Variants in SMYD3 observed in about 807,000 individuals in gnomAD.
The protein encoded by SMYD3 is histone-lysine N-methyltransferase SMYD3.
A neutral mutation model predicts 57.7 loss-of-function variants in SMYD3; 36 were observed. The ratio of observed to expected loss-of-function variants is 0.62; its 90% CI spans 0.48 to 0.82. The LOEUF (loss-of-function observed/expected upper bound fraction) is 0.82. Among genes scored for constraint, SMYD3 ranks in the 40% least tolerant of loss-of-function variants. SMYD3 has a pLI of 0.00. For synonymous variants in SMYD3, 211 were observed against 195.0 expected, an observed-to-expected ratio of 1.08 and a Z score of -0.68; for missense variants, 515 against 538.8, an observed-to-expected ratio of 0.96 and a Z score of 0.44.
At chr1:246,455,545 T>C (rs972612440) in intron 1 of SMYD3, among the ~76,000 whole-genome samples, 1 of 152,212 alleles carries the variant, frequency 6.6e-6, no homozygotes, top group South Asian at 2.1e-4. Context: ...TTAGGGACAC[T>C]GAGCCTCCAA....
intron 5 of SMYD3, among the ~76,000 whole-genome samples, chr1:246,082,617 T>A (rs557341592): frequency 6.6e-6 from 1 of 152,344 alleles, no homozygotes; most frequent in African/African-American, 2.4e-5. Context: ...GTCTTTCCAC[T>A]TGGCTAGCTC....
intron 5 of SMYD3, among the ~76,000 whole-genome samples, chr1:246,143,166 A>ACAC (rs1558264836): frequency 6.6e-5 from 7 of 106,072 alleles, no homozygotes; most frequent in African/African-American, 1.2e-4. Context: ...CACACACACA[A>ACAC]ACATGCATCC....
Position 245,791,790 on chromosome 1 carries a change from G to T in SMYD3, c.1077-27641C>A, listed in dbSNP as rs184547997. On this transcript the variant is annotated intron_variant, in intron 10 of 11. Coordinates refer to ENST00000490107, the MANE Select transcript of SMYD3 (RefSeq NM_001167740.2). ...AAGCCACTGAAAACCTCCTCCTCTTGCCTTCTCTGATTTCTGTCTCTAGAA... is the reference window on the plus strand; with the variant it reads ...AAGCCACTGAAAACCTCCTCCTCTTTCCTTCTCTGATTTCTGTCTCTAGAA... Among the ~76,000 whole-genome samples, 843 of 152,212 alleles carry T rather than the reference G, an allele frequency of 5.5e-3. 6 individuals carry two copies. Among genetic ancestry groups the T allele is most frequent in the Non-Finnish European group, 8.6e-3 (588 of 68,016 alleles).
chr1:245,905,408 T>C (rs917188735), intron 8 of SMYD3, among the ~76,000 whole-genome samples: 1 of 152,110 alleles, frequency 6.6e-6, no homozygotes, highest in African/African-American at 2.4e-5. Context: ...TTTAGAGACC[T>C]TGGGCCTTAA....
intron 5 of SMYD3, among the ~76,000 whole-genome samples, chr1:246,074,625 A>C (rs920161231): frequency 6.6e-6 from 1 of 152,236 alleles, no homozygotes; most frequent in African/African-American, 2.4e-5. Context: ...AATTGAAGCC[A>C]GAAATTTTCT....
intron 5 of SMYD3, among the ~76,000 whole-genome samples, chr1:245,993,579 A>AAAGATAGAT (rs1491491865): frequency 3.3e-5 from 1 of 30,076 alleles, no homozygotes; most frequent in Admixed American, 3.5e-4. Flanking sequence ...AAAAAAAAAA[A>AAAGATAGAT]AGATAGATAG....
chr1:245,965,843 T>A (rs576836430), intron 5 of SMYD3, among the ~76,000 whole-genome samples: 41 of 152,286 alleles, frequency 2.7e-4, no homozygotes, highest in African/African-American at 9.6e-4. Context: ...ACTCACAGGA[T>A]GCACAACACC....
At chr1:245,956,078 T>A (rs941090038) in intron 5 of SMYD3, 1 of 982,392 alleles carries the variant, frequency 1.0e-6, no homozygotes, top group African/African-American at 1.7e-5. Context: ...TAGATAACAT[T>A]ATTTTCTATT....
At chr1:246,065,451 A>G (rs1001000658) in intron 5 of SMYD3, among the ~76,000 whole-genome samples, 2 of 152,262 alleles carry the variant, frequency 1.3e-5, no homozygotes, top group Non-Finnish European at 2.9e-5. Context: ...CGGCAAATCC[A>G]TGAAGTAATT....
chr1:246,232,954 T>G (rs2063439982), intron 5 of SMYD3, among the ~76,000 whole-genome samples: 1 of 129,724 alleles, frequency 7.7e-6, no homozygotes, highest in African/African-American at 2.9e-5. Context: ...GGAGAAGCAC[T>G]CCTCAATTCA....
intron 8 of SMYD3, among the ~76,000 whole-genome samples, chr1:245,907,336 T>A (rs556384977): frequency 6.6e-6 from 1 of 152,186 alleles, no homozygotes; most frequent in Non-Finnish European, 1.5e-5. Context: ...TCCATAAATA[T>A]ATGCCCCTAC....
At chr1:245,954,724 T>C (rs1041034040) in intron 5 of SMYD3, among the ~76,000 whole-genome samples, 1 of 152,176 alleles carries the variant, frequency 6.6e-6, no homozygotes, top group African/African-American at 2.4e-5. Flanking sequence ...CAAATTCATG[T>C]GCTAATCAAA....
chr1:246,271,869 G>A (rs1266317938), intron 5 of SMYD3, among the ~76,000 whole-genome samples: 2 of 152,090 alleles, frequency 1.3e-5, no homozygotes, highest in African/African-American at 4.8e-5. Context: ...CATTGAATCT[G>A]TAGAGGCCTT....
chr1:246,343,248 CTTA>C (rs2065659027), intron 2 of SMYD3, among the ~76,000 whole-genome samples: 1 of 152,350 alleles, frequency 6.6e-6, no homozygotes, highest in East Asian at 1.9e-4. Flanking sequence ...GACTTCCAAT[CTTA>C]TTTGGAAAAA....
At chr1:245,769,793 C>T (rs2046265401) in intron 10 of SMYD3, among the ~76,000 whole-genome samples, 1 of 152,110 alleles carries the variant, frequency 6.6e-6, no homozygotes, top group Non-Finnish European at 1.5e-5. Flanking sequence ...CCTCTGTATG[C>T]ACAAGACGTT....
At chr1:246,446,467 G>A (rs976609623) in intron 1 of SMYD3, among the ~76,000 whole-genome samples, 2 of 152,010 alleles carry the variant, frequency 1.3e-5, no homozygotes, top group Non-Finnish European at 2.9e-5. Flanking sequence ...TTCTGTGACC[G>A]GGGAGAGAAA....
At chr1:245,858,122 G>T (rs55906011) in intron 10 of SMYD3, among the ~76,000 whole-genome samples, 4,955 of 152,216 alleles carry the variant, frequency 0.033, 275 homozygotes, top group African/African-American at 0.11. Flanking sequence ...ACCAGCAGAG[G>T]CTCATGACAC....
At chr1:246,258,795 T>C (rs2063944489) in intron 5 of SMYD3, among the ~76,000 whole-genome samples, 1 of 150,744 alleles carries the variant, frequency 6.6e-6, no homozygotes, top group Non-Finnish European at 1.5e-5. Flanking sequence ...TTTTCTTTAA[T>C]TCCTCAAATT....
intron 5 of SMYD3, among the ~76,000 whole-genome samples, chr1:246,239,302 G>C (rs1262556766): frequency 6.6e-6 from 1 of 152,048 alleles, no homozygotes; most frequent in East Asian, 1.9e-4. Flanking sequence ...CTGTGTCCAA[G>C]TGTTCTCATT....
Sources: gnomAD v4.1 joint callset for allele counts (sites outside exome capture counted in the v4.1 genomes callset) on GRCh38, gnomAD v4.1.1 for gene constraint, MANE v1.5 for transcripts, NCBI Gene and HGNC (gene_info 2026-07-23, HGNC 2026-07-21) for gene names.